CCDC91: variants seen among roughly 807,000 people sequenced by gnomAD.
CCDC91 encodes the protein coiled-coil domain-containing protein 91.
CCDC91 carries 48 observed loss-of-function variants against 63.2 expected under a neutral mutation model. The observed-to-expected ratio is 0.76, with a 90% CI of 0.60 to 0.97. CCDC91 has a LOEUF of 0.97. Among genes scored for constraint, CCDC91 ranks in the 50% least tolerant of loss-of-function variants. CCDC91 has a pLI of 0.00. For synonymous variants in CCDC91, 167 were observed against 165.8 expected (o/e 1.01, Z -0.06); for missense variants, 500 against 494.6 (o/e 1.01, Z -0.10).
intron 3 of CCDC91, chr12:28,268,537 C>A: frequency 2.8e-6 from 1 of 358,348 alleles, no homozygotes; most frequent in Non-Finnish European, 3.9e-6. Context: ...TTCTATAACA[C>A]CACATTTTCA....
intron 8 of CCDC91, among the ~76,000 whole-genome samples, chr12:28,440,679 A>G (rs1467596185): frequency 6.6e-6 from 1 of 152,216 alleles, no homozygotes; most frequent in Non-Finnish European, 1.5e-5. Flanking sequence ...CATGAAACAT[A>G]TATCTGACAA....
At chr12:28,298,447 C>A (rs1244849292) in intron 3 of CCDC91, among the ~76,000 whole-genome samples, 8 of 149,514 alleles carry the variant, frequency 5.4e-5, no homozygotes, top group African/African-American at 1.7e-4. Context: ...ATCCTATTAA[C>A]TCAGAGCATG....
At chr12:28,264,200 T>C (rs1947018991) in intron 3 of CCDC91, among the ~76,000 whole-genome samples, 2 of 151,696 alleles carry the variant, frequency 1.3e-5, no homozygotes, top group Admixed American at 1.3e-4. Context: ...ATATTACAGG[T>C]CTAGAAGGAA....
intron 12 of CCDC91, among the ~76,000 whole-genome samples, chr12:28,501,444 T>TA (rs1655817971): frequency 6.6e-6 from 1 of 152,054 alleles, no homozygotes; most frequent in African/African-American, 2.4e-5. Context: ...CAAAGGCCTT[T>TA]ACTGCATCTA....
intron 12 of CCDC91, among the ~76,000 whole-genome samples, chr12:28,532,742 A>T (rs955335098): frequency 6.6e-6 from 1 of 152,116 alleles, no homozygotes; most frequent in African/African-American, 2.4e-5. Context: ...TTAGATGGCA[A>T]CTTAAATATA....
chr12:28,470,987 A>C (rs1356830905), intron 11 of CCDC91, among the ~76,000 whole-genome samples: 1 of 152,316 alleles, frequency 6.6e-6, no homozygotes, highest in Non-Finnish European at 1.5e-5. Context: ...AAAAGATCAG[A>C]AAATTAGACA....
chr12:28,386,810 A>G (rs1945632058), intron 7 of CCDC91, among the ~76,000 whole-genome samples: 1 of 152,206 alleles, frequency 6.6e-6, no homozygotes, highest in Non-Finnish European at 1.5e-5. Context: ...CCTTGATAGC[A>G]TTCTTTTATA....
chr12:28,225,042 G>A (rs1944182682), intron 1 of CCDC91, among the ~76,000 whole-genome samples: 1 of 152,110 alleles, frequency 6.6e-6, no homozygotes, highest in Non-Finnish European at 1.5e-5. Flanking sequence ...TGAAGAATTA[G>A]GACTAGAGCC....
intron 1 of CCDC91, among the ~76,000 whole-genome samples, chr12:28,237,154 C>G (rs73263452): frequency 0.054 from 8,211 of 151,576 alleles, 646 homozygotes; most frequent in African/African-American, 0.18. Flanking sequence ...TCATGCAACT[C>G]TAAATATATC....
chr12:28,302,599 G>A, intron 3 of CCDC91: 1 of 967,580 alleles, frequency 1.0e-6, no homozygotes, highest in Non-Finnish European at 1.2e-6. Context: ...ACAGAGGTCA[G>A]TACCTCTGAC....
intron 3 of CCDC91, among the ~76,000 whole-genome samples, chr12:28,283,628 G>C (rs1948737200): frequency 6.6e-6 from 1 of 152,064 alleles, no homozygotes; most frequent in Admixed American, 6.5e-5. Flanking sequence ...CAGATGATAA[G>C]AGTTTTTCGG....
Position 28,453,642 on chromosome 12 carries a change from CT to C in CCDC91, c.1101+997del, listed in dbSNP as rs80202574. On this transcript the variant is annotated intron_variant, in intron 11 of 12. Transcript: ENST00000536442. ...AAATAACAGTAGTACAGTAGCAGAT[CT>C]TTTTTTTTCTTGCGTTTTTTCACTA... Among the ~76,000 whole-genome samples the C allele has an allele frequency of 9.9e-3, 1,505 of 151,272 alleles. 23 individuals carry two copies. The highest frequency in any genetic ancestry group is 0.033 in the African/African-American group (1,371 of 41,302).
At chr12:28,216,696 G>C (rs1484987628) in intron 1 of CCDC91, among the ~76,000 whole-genome samples, 1 of 152,030 alleles carries the variant, frequency 6.6e-6, no homozygotes, top group African/African-American at 2.4e-5. Flanking sequence ...GTTGAGAGCA[G>C]TGTTCTTATA....
chr12:28,288,762 A>C (rs1468052327), intron 3 of CCDC91, among the ~76,000 whole-genome samples: 1 of 152,178 alleles, frequency 6.6e-6, no homozygotes, highest in Admixed American at 6.5e-5. Context: ...GAATAGTACC[A>C]GTTGTCCTTT....
intron 7 of CCDC91, among the ~76,000 whole-genome samples, chr12:28,374,390 T>C (rs1187364695): frequency 6.6e-6 from 1 of 152,156 alleles, no homozygotes; most frequent in African/African-American, 2.4e-5. Context: ...TTTTAAAATG[T>C]AGGACTGTTC....
chr12:28,303,364 C>G (rs544473688), intron 3 of CCDC91, among the ~76,000 whole-genome samples: 6 of 151,954 alleles, frequency 3.9e-5, no homozygotes, highest in African/African-American at 1.4e-4. Flanking sequence ...CTCTCCCTTT[C>G]ATCTCTTTCT....
intron 7 of CCDC91, among the ~76,000 whole-genome samples, chr12:28,377,909 A>G (rs2138997223): frequency 6.6e-6 from 1 of 152,154 alleles, no homozygotes; most frequent in East Asian, 1.9e-4. Flanking sequence ...AATAGTACTT[A>G]TAAATACTTT....
At chr12:28,431,626 C>T (rs1230858220) in intron 8 of CCDC91, among the ~76,000 whole-genome samples, 1 of 152,028 alleles carries the variant, frequency 6.6e-6, no homozygotes, top group East Asian at 1.9e-4. Flanking sequence ...TTCTTCGCAG[C>T]ATCCTTGAAT....
intron 6 of CCDC91, among the ~76,000 whole-genome samples, chr12:28,326,404 TTTA>T (rs1312778038): frequency 1.3e-5 from 2 of 150,312 alleles, no homozygotes; most frequent in African/African-American, 4.9e-5. Context: ...TTTTTTTAAA[TTTA>T]TTATTATTAT....
Sources: allele counts gnomAD v4.1 joint callset (sites outside exome capture counted in the v4.1 genomes callset), GRCh38; gene constraint gnomAD v4.1.1; transcripts MANE v1.5; gene names NCBI Gene and HGNC (gene_info 2026-07-23, HGNC 2026-07-21).